Variants in LRRTM3 observed in about 807,000 individuals in gnomAD.
The protein encoded by LRRTM3 is leucine-rich repeat transmembrane neuronal protein 3.
In LRRTM3, 24 loss-of-function variants were observed where a neutral mutation model predicts 44.7. The observed-to-expected ratio is 0.54, with a 90% CI of 0.39 to 0.76. LRRTM3 has a LOEUF of 0.76. Among genes scored for constraint, LRRTM3 ranks in the 30% least tolerant of loss-of-function variants. The pLI, the probability that LRRTM3 is intolerant of heterozygous loss-of-function variation, is 0.00. For synonymous variants in LRRTM3, 277 were observed against 278.7 expected (o/e 0.99, Z 0.06); for missense variants, 587 against 702.2 (o/e 0.84, Z 1.85).
At chr10:66,955,578 T>G (rs957890691) in intron 2 of LRRTM3, among the ~76,000 whole-genome samples, 1 of 152,136 alleles carries the variant, frequency 6.6e-6, no homozygotes, top group East Asian at 1.9e-4. Context: ...TCATAACAGC[T>G]GGCACAGAGT....
intron 2 of LRRTM3, among the ~76,000 whole-genome samples, chr10:67,048,676 C>G (rs1027008054): frequency 1.3e-5 from 2 of 152,042 alleles, no homozygotes; most frequent in African/African-American, 4.8e-5. Context: ...CACTACATAG[C>G]TCTCACAGTA....
Position 67,098,940 on chromosome 10 carries a change from A to G in LRRTM3, c.*1144A>G, listed in dbSNP as rs1858170100. On this transcript the variant is annotated 3_prime_UTR_variant, in exon 3 of 3. Coordinates refer to ENST00000361320, the MANE Select transcript of LRRTM3 (RefSeq NM_178011.5). ...GAAACATTTCAAAGGAAACATATGA[A>G]TTTGTTTTGCGTTGTGCACTACATC... 1 of 151,874 alleles carries G rather than the reference A, an allele frequency of 6.6e-6. No individual in the cohort carries two copies. The highest frequency in any genetic ancestry group is 2.4e-5 in the African/African-American group (1 of 41,418). The allele number at this position is 151,874 out of a possible 1,614,324, so 9.4% of individuals were successfully genotyped here.
Position 66,971,340 on chromosome 10 carries a change from C to T in LRRTM3, c.1536+42888C>T, listed in dbSNP as rs1427453316. On this transcript the variant is annotated intron_variant, in intron 2 of 2. Coordinates refer to ENST00000361320, the MANE Select transcript of LRRTM3 (RefSeq NM_178011.5). ...ACTCAGGAGGCTGAGGCAGAAGAATCGCTTGAACCCGGGAGGCGGAGGTTG... is the reference window on the plus strand; with the variant it reads ...ACTCAGGAGGCTGAGGCAGAAGAATTGCTTGAACCCGGGAGGCGGAGGTTG... Among the ~76,000 whole-genome samples the T allele has an allele frequency of 3.3e-5, 5 of 151,994 alleles. 1 individual carries two copies. The highest frequency in any genetic ancestry group is 2.1e-4 in the South Asian group (1 of 4,814).
At chr10:67,056,389 G>T (rs1364587899) in intron 2 of LRRTM3, among the ~76,000 whole-genome samples, 2 of 152,124 alleles carry the variant, frequency 1.3e-5, no homozygotes, top group East Asian at 3.9e-4. Flanking sequence ...CTGGATTACA[G>T]GAATGCTCGT....
intron 2 of LRRTM3, among the ~76,000 whole-genome samples, chr10:66,981,778 T>C (rs767951639): frequency 6.6e-6 from 1 of 152,242 alleles, no homozygotes; most frequent in Non-Finnish European, 1.5e-5. Context: ...AGTACCTGTA[T>C]GGAGAAACTA....
At chr10:67,078,054 C>G (rs1484834664) in intron 2 of LRRTM3, among the ~76,000 whole-genome samples, 1 of 152,112 alleles carries the variant, frequency 6.6e-6, no homozygotes, top group Non-Finnish European at 1.5e-5. Flanking sequence ...GACCACAGAC[C>G]AGGGTCATAC....
At chr10:66,975,960 C>T (rs1850005671) in intron 2 of LRRTM3, among the ~76,000 whole-genome samples, 2 of 152,178 alleles carry the variant, frequency 1.3e-5, no homozygotes, top group African/African-American at 4.8e-5. Context: ...CCAATAACTG[C>T]TTAACATGCT....
intron 2 of LRRTM3, among the ~76,000 whole-genome samples, chr10:66,930,478 T>A (rs1369931728): frequency 6.6e-6 from 1 of 152,190 alleles, no homozygotes; most frequent in East Asian, 1.9e-4. Flanking sequence ...TTGGCTAGCC[T>A]CATTTTTATC....
At chr10:67,086,362 T>C (rs1857307395) in intron 2 of LRRTM3, among the ~76,000 whole-genome samples, 1 of 151,990 alleles carries the variant, frequency 6.6e-6, no homozygotes, top group African/African-American at 2.4e-5. Context: ...ATCACTTCAT[T>C]TAGTTGGGAG....
In LRRTM3 at chr10:67,097,626, G is replaced by T; in HGVS notation, c.1576G>T (p.Asp526Tyr). 1 of 1,612,184 alleles carries T rather than the reference G, an allele frequency of 6.2e-7. No homozygotes were observed. Among genetic ancestry groups the T allele is most frequent in the South Asian group, 1.1e-5 (1 of 90,992 alleles). ...GAATGTGTCAACCTTTCTGGCATACGACCAGCCCACAATAAGTTACTGTGG... is the reference window on the plus strand; with the variant it reads ...GAATGTGTCAACCTTTCTGGCATACTACCAGCCCACAATAAGTTACTGTGG... ...SMNVSTFLAY[D>Y]QPTISYCGVH... The change falls in exon 3 of 3, where the codon GAC (aspartate) becomes TAC (tyrosine). Residue 526 changes from aspartate to tyrosine, a missense_variant. By Grantham distance (160) the Asp-to-Tyr change is radical. This residue lies in a region of LRRTM3 where 315 missense variants were observed against 335.6 expected (regional missense o/e 0.94). Transcript: ENST00000361320.
At position 66,970,072 on chromosome 10, in the gene LRRTM3, C is replaced by A. The variant is rs577958692; in HGVS notation, c.1536+41620C>A. ...GTTTAATGCGTGGCACCTATCTCAA[C>A]AACTGCAAAATCACTGTAACTTGTA... On this transcript the variant is annotated intron_variant, in intron 2 of 2. Transcript: ENST00000361320. Among the ~76,000 whole-genome samples, 9 of 152,248 alleles carry A rather than the reference C, an allele frequency of 5.9e-5. No homozygotes were observed. In the South Asian group the frequency reaches 8.3e-4, roughly 14 times the overall value.
rs533644047 is a variant in LRRTM3, at chr10:67,012,279, G to A, written c.1536+83827G>A. 5 of 152,246 alleles carry A rather than the reference G, an allele frequency of 3.3e-5. No individual in the cohort carries two copies. In the South Asian group the frequency reaches 6.2e-4, roughly 19 times the overall value. 9.4% of individuals were successfully genotyped at this position (152,246 alleles called of 1,614,324 possible). ...CTAGTCCAACCCATTCATTTCATGG[G>A]TAGAGAACTGAAACCCAGAGAAAAT... On this transcript the variant is annotated intron_variant, in intron 2 of 2. Coordinates refer to ENST00000361320, the MANE Select transcript of LRRTM3 (RefSeq NM_178011.5).
At chr10:66,950,690 A>C (rs995828510) in intron 2 of LRRTM3, among the ~76,000 whole-genome samples, 7 of 152,198 alleles carry the variant, frequency 4.6e-5, no homozygotes, top group African/African-American at 1.7e-4. Context: ...TGAAGTATAA[A>C]ATTACTCCTG....
chr10:67,016,336 A>C (rs72804684), intron 2 of LRRTM3, among the ~76,000 whole-genome samples: 7,497 of 152,080 alleles, frequency 0.049, 268 homozygotes, highest in Middle Eastern at 0.085. Flanking sequence ...CAAATATTTT[A>C]TTTTCTTAAC....
At chr10:67,069,048 GA>G (rs112057789) in intron 2 of LRRTM3, among the ~76,000 whole-genome samples, 22,700 of 128,770 alleles carry the variant, frequency 0.18, 2,131 homozygotes, top group African/African-American at 0.3. Flanking sequence ...AGCAAGACAG[GA>G]AAAAAAATAT....
At chr10:67,000,840 T>C (rs754831946) in intron 2 of LRRTM3, among the ~76,000 whole-genome samples, 5 of 152,176 alleles carry the variant, frequency 3.3e-5, no homozygotes, top group African/African-American at 4.8e-5. Flanking sequence ...TAAGGCAATC[T>C]GAGAATTTAA....
intron 2 of LRRTM3, among the ~76,000 whole-genome samples, chr10:66,977,295 G>T (rs902824018): frequency 6.6e-6 from 1 of 152,060 alleles, no homozygotes. Flanking sequence ...AATTAGCTGG[G>T]TGTGGTGGCT....
At chr10:67,000,695 G>A (rs957631765) in intron 2 of LRRTM3, among the ~76,000 whole-genome samples, 1 of 152,090 alleles carries the variant, frequency 6.6e-6, no homozygotes, top group Non-Finnish European at 1.5e-5. Flanking sequence ...GAATTCAATA[G>A]AAGAAATCTT....
chr10:66,970,187 AACTAG>A (rs1005333989), intron 2 of LRRTM3, among the ~76,000 whole-genome samples: 4 of 152,162 alleles, frequency 2.6e-5, no homozygotes, highest in African/African-American at 9.7e-5. Flanking sequence ...AGAAGCTCTA[AACTAG>A]AGCAAGGTCA....
Sources: allele counts gnomAD v4.1 joint callset (sites outside exome capture counted in the v4.1 genomes callset), GRCh38; gene constraint gnomAD v4.1.1; regional missense constraint gnomAD v4.1.1; transcripts MANE v1.5; gene names NCBI Gene and HGNC (gene_info 2026-07-23, HGNC 2026-07-21).